The following GTF2A1L variants were observed in gnomAD, a reference collection of about 807,000 sequenced individuals.
The protein encoded by GTF2A1L is general transcription factor IIA subunit 1 like.
Under a neutral mutation model 49.7 loss-of-function variants are expected in GTF2A1L, and 48 were observed. The observed-to-expected ratio is 0.97, with a 90% CI of 0.77 to 1.23. GTF2A1L has a LOEUF of 1.23. Ranked by LOEUF, GTF2A1L falls within the 50% of genes most tolerant of loss-of-function variation. The pLI is 0.00. For missense variants in GTF2A1L, 736 were observed against 564.8 expected (o/e 1.30, Z -3.07); for synonymous variants, 246 against 193.5 (o/e 1.27, Z -2.25).
At chr2:48,670,733 T>A (rs555846079) in intron 7 of GTF2A1L, among the ~76,000 whole-genome samples, 1 of 152,342 alleles carries the variant, frequency 6.6e-6, no homozygotes, top group South Asian at 2.1e-4. Context: ...ACTGCTATCC[T>A]GATTTTAGAT....
intron 3 of GTF2A1L, among the ~76,000 whole-genome samples, chr2:48,621,671 A>T (rs564940179): frequency 3.1e-4 from 47 of 152,224 alleles, no homozygotes; most frequent in African/African-American, 1.1e-3. Context: ...TCTTTCTCTT[A>T]TTTTTTGTGT....
chr2:48,620,114 A>G (rs1427483790), intron 1 of GTF2A1L, among the ~76,000 whole-genome samples: 2 of 152,196 alleles, frequency 1.3e-5, no homozygotes, highest in Non-Finnish European at 2.9e-5. Flanking sequence ...TAATATAGTG[A>G]ACCCTAAAAA....
chr2:48,647,625 T>C (rs1677600002), intron 6 of GTF2A1L, among the ~76,000 whole-genome samples: 3 of 151,940 alleles, frequency 2.0e-5, no homozygotes, highest in African/African-American at 7.2e-5. Flanking sequence ...TGAATTCCTA[T>C]ATGGAAACTT....
chr2:48,658,301 G>A (rs1205307341), intron 6 of GTF2A1L, among the ~76,000 whole-genome samples: 1 of 152,152 alleles, frequency 6.6e-6, no homozygotes, highest in East Asian at 1.9e-4. Flanking sequence ...TAGGAGTCCA[G>A]TTTCATTCTT....
At position 48,647,036 on chromosome 2, in the gene GTF2A1L, A is replaced by T. The variant is rs200805840; in HGVS notation, c.972A>T (p.Ser324=). 1 of 1,603,454 alleles carries T rather than the reference A, an allele frequency of 6.2e-7. No homozygotes were observed. The highest frequency in any genetic ancestry group is 1.3e-5 in the African/African-American group (1 of 74,726). ...NIEEPSNIPV[S]EKDSNSQVDL... ...AGGAACCCAGCAACATACCTGTATCAGAGAAGGTATAGTTCTGTGTCCAAC... is the reference window on the plus strand; with the variant it reads ...AGGAACCCAGCAACATACCTGTATCTGAGAAGGTATAGTTCTGTGTCCAAC... The change falls in exon 6 of 9, where the codon TCA becomes TCT. Residue 324 remains serine (S), a synonymous_variant. Transcript: ENST00000403751.
At chr2:48,677,598 A>G (rs958140167) in intron 8 of GTF2A1L, among the ~76,000 whole-genome samples, 1 of 152,008 alleles carries the variant, frequency 6.6e-6, no homozygotes, top group Non-Finnish European at 1.5e-5. Context: ...GAGAAATGAC[A>G]TCTGATTTAT....
intron 1 of GTF2A1L, among the ~76,000 whole-genome samples, chr2:48,618,894 C>G (rs771271954): frequency 3.9e-5 from 6 of 152,098 alleles, no homozygotes; most frequent in Non-Finnish European, 7.4e-5. Context: ...AAACTGTGTT[C>G]TAATGGGTAC....
rs1193032279 is a variant in GTF2A1L, at chr2:48,642,822, C to T, written c.303+365C>T. 2.6e-5 allele frequency among the ~76,000 whole-genome samples: 4 copies of T among 150,988 alleles called. No individual in the cohort carries two copies. In the East Asian group the frequency reaches 7.9e-4, roughly 30 times the overall value. On this transcript the variant is annotated intron_variant, in intron 4 of 8. Coordinates refer to ENST00000403751, the MANE Select transcript of GTF2A1L (RefSeq NM_006872.5). ...AGTGAGCTGAGATCATGCCATTGCA[C>T]TCCAGCGTGGGTGACAAGAACAAAA... is the stretch of plus-strand genomic sequence containing the variant.
At chr2:48,651,485 AAAAGTTTGGTTAGT>A in intron 6 of GTF2A1L, among the ~76,000 whole-genome samples, 1 of 150,206 alleles carries the variant, frequency 6.7e-6, no homozygotes. Flanking sequence ...TGTAATAATG[AAAAGTTTGGTTAGT>A]AAAATTTGGT....
intron 6 of GTF2A1L, among the ~76,000 whole-genome samples, chr2:48,664,745 A>T (rs1678717532): frequency 6.6e-6 from 1 of 151,974 alleles, no homozygotes; most frequent in African/African-American, 2.4e-5. Flanking sequence ...CTTGCAATGG[A>T]TTTATCCATT....
intron 2 of GTF2A1L, 94 bp downstream of exon 2, chr2:48,621,046 G>C: frequency 6.6e-7 from 1 of 1,511,324 alleles, no homozygotes; most frequent in Non-Finnish European, 8.9e-7. Context: ...TTATAGTTTA[G>C]TACTTACCCA....
intron 3 of GTF2A1L, among the ~76,000 whole-genome samples, chr2:48,633,873 T>TATCA (rs1189996640): frequency 1.3e-4 from 17 of 127,500 alleles, no homozygotes; most frequent in Admixed American, 3.5e-4. Context: ...ATTGAATGCT[T>TATCA]ATCATTATAT....
chr2:48,641,080 G>A (rs946204382), intron 3 of GTF2A1L, among the ~76,000 whole-genome samples: 4 of 152,134 alleles, frequency 2.6e-5, no homozygotes, highest in Admixed American at 1.3e-4. Flanking sequence ...AAAAGAGGAT[G>A]ATTGTTGCTA....
intron 3 of GTF2A1L, among the ~76,000 whole-genome samples, chr2:48,623,358 C>G (rs1402713380): frequency 1.3e-5 from 2 of 152,136 alleles, no homozygotes; most frequent in African/African-American, 4.8e-5. Context: ...CTTGTTTGCT[C>G]AGTCAAAATC....
chr2:48,638,168 C>G (rs563505993), intron 3 of GTF2A1L, among the ~76,000 whole-genome samples: 34 of 152,148 alleles, frequency 2.2e-4, no homozygotes, highest in Non-Finnish European at 4.0e-4. Flanking sequence ...AGAGCTGCTA[C>G]TATTCTTACT....
chr2:48,637,101 T>C (rs1676936401), intron 3 of GTF2A1L, among the ~76,000 whole-genome samples: 1 of 152,180 alleles, frequency 6.6e-6, no homozygotes, highest in Admixed American at 6.5e-5. Context: ...TTTAGGTGAT[T>C]TGAGAGTTAG....
intron 3 of GTF2A1L, among the ~76,000 whole-genome samples, chr2:48,633,961 T>C (rs953885003): frequency 6.6e-6 from 1 of 152,192 alleles, no homozygotes; most frequent in Admixed American, 6.5e-5. Context: ...TGCTCTTTTT[T>C]TGTTTTCTAT....
intron 8 of GTF2A1L, among the ~76,000 whole-genome samples, chr2:48,676,092 A>C (rs1017039995): frequency 3.3e-5 from 5 of 151,958 alleles, no homozygotes; most frequent in Admixed American, 6.6e-5. Context: ...CTTTATTCAA[A>C]TACAAATACA....
intron 6 of GTF2A1L, among the ~76,000 whole-genome samples, chr2:48,652,387 G>A (rs898847254): frequency 2.6e-5 from 4 of 151,926 alleles, no homozygotes; most frequent in South Asian, 2.1e-4. Context: ...AGGCCAAAGC[G>A]GATGGATCAC....
Sources: allele counts gnomAD v4.1 joint callset (sites outside exome capture counted in the v4.1 genomes callset), GRCh38; gene constraint gnomAD v4.1.1; transcripts MANE v1.5; gene names NCBI Gene and HGNC (gene_info 2026-07-23, HGNC 2026-07-21).